RCC1L: variants seen among roughly 807,000 people sequenced by gnomAD.
RCC1L encodes the protein RCC1 like.
RCC1L carries 46 observed loss-of-function variants against 58.6 expected under a neutral mutation model. The ratio of observed to expected loss-of-function variants is 0.79; its 90% CI spans 0.62 to 1.00. The LOEUF is 1.00. Ranked by LOEUF, RCC1L falls within the 50% of genes least tolerant of loss-of-function variation. RCC1L has a pLI of 0.00. For synonymous variants in RCC1L, 281 were observed against 262.9 expected (o/e 1.07, Z -0.67); for missense variants, 636 against 623.6 (o/e 1.02, Z -0.21).
intron 5 of RCC1L, among the ~76,000 whole-genome samples, chr7:75,062,918 C>T (rs980897040): frequency 1.3e-5 from 2 of 152,150 alleles, no homozygotes; most frequent in Non-Finnish European, 2.9e-5. Context: ...TGTGCCTCAG[C>T]CTCCTGAGTA....
rs999123205 is a variant in RCC1L, at chr7:75,043,082, C to T, written c.1345G>A (p.Val449Met). Reference sequence around the variant, plus strand: ...ACCATGTGGTCCACGCCACATGCCACGTCCACAGGCTCCCCAGGCATCGTC... The same window carrying T: ...ACCATGTGGTCCACGCCACATGCCATGTCCACAGGCTCCCCAGGCATCGTC... ...RVTMPGEPVD[V>M]ACGVDHMVTL... Residue 449 changes from valine to methionine, a missense_variant, in exon 11 of 11, where the codon GTG becomes ATG. By Grantham distance (21) the Val-to-Met change is conservative (BLOSUM62 1). Transcript: ENST00000610322. The T allele has an allele frequency of 4.3e-6, 7 of 1,614,036 alleles. No individual in the cohort carries two copies. Among genetic ancestry groups the T allele is most frequent in the Admixed American group, 3.3e-5 (2 of 60,018 alleles).
At chr7:75,029,475 C>T (rs1322074895) in intron 10 of RCC1L, among the ~76,000 whole-genome samples, 1 of 151,414 alleles carries the variant, frequency 6.6e-6, no homozygotes, top group Non-Finnish European at 1.5e-5. Flanking sequence ...TCCCAAGTAG[C>T]TGGGATTACA....
At chr7:75,028,922 A>G (rs1308532215) in intron 10 of RCC1L, among the ~76,000 whole-genome samples, 1 of 151,682 alleles carries the variant, frequency 6.6e-6, no homozygotes, top group Non-Finnish European at 1.5e-5. Flanking sequence ...ACCTCCTCTC[A>G]CCTCCAGGCA....
intron 10 of RCC1L, among the ~76,000 whole-genome samples, chr7:75,029,487 G>A (rs1005439122): frequency 2.0e-5 from 3 of 151,800 alleles, no homozygotes; most frequent in Admixed American, 6.6e-5. Flanking sequence ...GGGATTACAG[G>A]CACCCACCAC....
intron 10 of RCC1L, among the ~76,000 whole-genome samples, chr7:75,033,286 G>GCTGC (rs1805355733): frequency 1.3e-5 from 2 of 152,044 alleles, no homozygotes; most frequent in Non-Finnish European, 2.9e-5. Flanking sequence ...GAAATGACCA[G>GCTGC]CTGCCGGCCA....
At chr7:75,048,063 T>C (rs1720003646) in intron 10 of RCC1L, among the ~76,000 whole-genome samples, 1 of 148,952 alleles carries the variant, frequency 6.7e-6, no homozygotes, top group South Asian at 2.1e-4. Context: ...GGTGAGGAGT[T>C]TGAGACCAGC....
In RCC1L at chr7:75,061,075, C is replaced by T; in HGVS notation, c.787+132G>A. ...GGCGATGGAGCCAAGAATAGTGTTC[C>T]TCAGAAAGTGATAAGAGGTAAGAGC... On this transcript the variant is annotated intron_variant, in intron 6 of 10. Coordinates refer to ENST00000610322, the MANE Select transcript of RCC1L (RefSeq NM_030798.5). 1.3e-5 allele frequency: 11 copies of T among 814,982 alleles called. No homozygotes were observed. In the Admixed American group the frequency reaches 1.6e-4, roughly 12 times the overall value. 50.5% of individuals were successfully genotyped at this position (814,982 alleles called of 1,614,324 possible).
chr7:75,066,189 C>T (rs587730197), intron 3 of RCC1L, among the ~76,000 whole-genome samples: 10 of 152,160 alleles, frequency 6.6e-5, no homozygotes, highest in East Asian at 1.9e-4. Flanking sequence ...CAGTGGCTCA[C>T]GCCTGTAATC....
At chr7:75,061,140 C>A in intron 6 of RCC1L, 67 bp downstream of exon 6, 1 of 1,312,030 alleles carries the variant, frequency 7.6e-7, no homozygotes, top group Non-Finnish European at 1.1e-6. Context: ...AAATGCCCTA[C>A]AGCTCACAGC....
In RCC1L at chr7:75,058,728, C is replaced by G. The variant is rs912648774; in HGVS notation, c.829G>C (p.Gly277Arg). Residue 277 changes from glycine to arginine, a missense_variant, in exon 7 of 11, where the codon GGT becomes CGT. Physicochemically the swap from Gly to Arg is moderately radical, Grantham distance 125. Coordinates refer to ENST00000610322, the MANE Select transcript of RCC1L (RefSeq NM_030798.5). ...ACGTTCACTCCCGCCAGGTCTCCAC[C>G]CAGCTTGGTGGGCGAGCTGGTGATA... is the stretch of plus-strand genomic sequence containing the variant. ...YNITSSPTKLGGDLAGVNVIQ... is the reference protein window; with the variant it reads ...YNITSSPTKLRGDLAGVNVIQ... 1.9e-6 allele frequency: 3 copies of G among 1,613,964 alleles called. No individual in the cohort carries two copies. Among genetic ancestry groups the G allele is most frequent in the Non-Finnish European group, 2.5e-6 (3 of 1,179,852 alleles).
intron 10 of RCC1L, among the ~76,000 whole-genome samples, chr7:75,029,234 C>T (rs1269035619): frequency 6.6e-6 from 1 of 152,200 alleles, no homozygotes; most frequent in Admixed American, 6.5e-5. Flanking sequence ...CCTGGGGAGT[C>T]CTAAGGCCAC....
At chr7:75,064,737 G>GTCCT in intron 3 of RCC1L, 89 bp from the exon 4 acceptor site, 1 of 1,440,624 alleles carries the variant, frequency 6.9e-7, no homozygotes, top group South Asian at 1.1e-5. Flanking sequence ...TGGTGGTCCC[G>GTCCT]TCCTGGTTAC....
Position 75,063,283 on chromosome 7 carries a change from C to T in RCC1L, c.702+9G>A, listed in dbSNP as rs1196483539. On this transcript the variant is annotated intron_variant, in intron 5 of 10. Transcript: ENST00000610322. ...ACACAACAAGCAGCTCTCGGCCCAT[C>T]TCTCTTACCTGGACCACCTGGCCAT... The T allele has an allele frequency of 2.5e-6, 4 of 1,613,880 alleles. No individual in the cohort carries two copies. In the Admixed American group the frequency reaches 6.7e-5, roughly 27 times the overall value.
downstream of RCC1L, among the ~76,000 whole-genome samples, chr7:75,039,086 T>C (rs1055771255): frequency 2.6e-5 from 4 of 152,222 alleles, no homozygotes; most frequent in African/African-American, 9.6e-5. Context: ...GTGCTCTGCC[T>C]GTCTCGGACC....
At chr7:75,061,115 A>G in intron 6 of RCC1L, 92 bp downstream of exon 6, 1 of 1,011,278 alleles carries the variant, frequency 9.9e-7, no homozygotes, top group Non-Finnish European at 1.6e-6. Context: ...TTAAGGAAGA[A>G]GGGTTCTAGC....
intron 10 of RCC1L, among the ~76,000 whole-genome samples, chr7:75,034,132 G>A (rs1805379104): frequency 6.6e-6 from 1 of 152,176 alleles, no homozygotes; most frequent in African/African-American, 2.4e-5. Flanking sequence ...ATGGTTTTAT[G>A]TTATGTGACT....
intron 10 of RCC1L, among the ~76,000 whole-genome samples, chr7:75,045,220 G>A (rs1460050492): frequency 1.3e-5 from 2 of 151,906 alleles, no homozygotes; most frequent in Non-Finnish European, 2.9e-5. Context: ...CTATGTTGCC[G>A]AGGCTGGATT....
chr7:75,031,053 G>A (rs1805287657), intron 10 of RCC1L, among the ~76,000 whole-genome samples: 1 of 152,244 alleles, frequency 6.6e-6, no homozygotes, highest in Admixed American at 6.5e-5. Flanking sequence ...CAGTTTACCT[G>A]TATTCAGAAG....
At chr7:75,030,615 C>G (rs1426426157) in intron 10 of RCC1L, among the ~76,000 whole-genome samples, 2 of 152,178 alleles carry the variant, frequency 1.3e-5, no homozygotes, top group Non-Finnish European at 2.9e-5. Context: ...GGCCTCAGTC[C>G]TTCCCCAGGT....
Sources: gnomAD v4.1 joint callset for allele counts (sites outside exome capture counted in the v4.1 genomes callset) on GRCh38, gnomAD v4.1.1 for gene constraint, MANE v1.5 for transcripts, NCBI Gene and HGNC (gene_info 2026-07-23, HGNC 2026-07-21) for gene names.